DAP3: variants seen among roughly 807,000 people sequenced by gnomAD.
The protein encoded by DAP3 is small ribosomal subunit protein mS29.
Under a neutral mutation model 51.9 loss-of-function variants are expected in DAP3, and 28 were observed. That is an observed-to-expected ratio of 0.54 (90% CI 0.40 to 0.74). The LOEUF (loss-of-function observed/expected upper bound fraction) is 0.74, where lower values mean the gene tolerates loss of function less well. Among genes scored for constraint, DAP3 ranks in the 30% least tolerant of loss-of-function variants. The pLI, the probability that DAP3 is intolerant of heterozygous loss-of-function variation, is 0.00. For synonymous variants in DAP3, 170 were observed against 170.3 expected, an observed-to-expected ratio of 1.00 and a Z score of 0.01; for missense variants, 458 against 483.5, an observed-to-expected ratio of 0.95 and a Z score of 0.49.
At chr1:155,704,440 T>C (rs1655697937) in intron 1 of DAP3, among the ~76,000 whole-genome samples, 3 of 152,180 alleles carry the variant, frequency 2.0e-5, no homozygotes, top group Non-Finnish European at 2.9e-5. Context: ...TCCACAGCTC[T>C]TCCAGTAGTG....
At chr1:155,737,169 C>T (rs534962273) in intron 12 of DAP3, 106 bp downstream of exon 12, 407 of 807,520 alleles carry the variant, frequency 5.0e-4, no homozygotes, top group Non-Finnish European at 7.7e-4. Flanking sequence ...CTAATTTGTA[C>T]TTCATCCTTT....
At chr1:155,731,443 T>G in intron 10 of DAP3, 28 bp downstream of exon 10, 1 of 1,603,844 alleles carries the variant, frequency 6.2e-7, no homozygotes, top group Non-Finnish European at 8.5e-7. Flanking sequence ...CTCACACATT[T>G]CAGAAAGAAA....
In DAP3 at chr1:155,732,036, C is replaced by G; in HGVS notation, c.993+3C>G. On this transcript the variant is annotated splice_donor_region_variant and intron_variant, in intron 11 of 12. Transcript: ENST00000368336. ...TGCCCCAGGAGTTGCTGGGAAAGGT[C>G]AAGTCAAAGGAAAATTTGTTTCTAC... 6.2e-7 allele frequency: 1 copy of G among 1,606,568 alleles called. No individual in the cohort carries two copies. Among genetic ancestry groups the G allele is most frequent in the Non-Finnish European group, 8.5e-7 (1 of 1,176,362 alleles).
At chr1:155,701,380 C>T (rs563001098) in intron 1 of DAP3, among the ~76,000 whole-genome samples, 25 of 109,594 alleles carry the variant, frequency 2.3e-4, no homozygotes, top group Middle Eastern at 3.9e-3. Context: ...TGACCTTACC[C>T]TCAACCCTGT....
chr1:155,725,360 T>G (rs1240483949), intron 4 of DAP3, 22 bp from the exon 5 acceptor site: 1 of 1,611,482 alleles, frequency 6.2e-7, no homozygotes, highest in Non-Finnish European at 8.5e-7. Context: ...ACCCACTCTT[T>G]CCTTCTTTCC....
intron 1 of DAP3, among the ~76,000 whole-genome samples, chr1:155,705,596 C>T (rs1167603179): frequency 6.3e-5 from 9 of 143,870 alleles, no homozygotes; most frequent in African/African-American, 2.3e-4. Context: ...GAGCGAGACC[C>T]TGTCTCAAAA....
chr1:155,697,925 G>A (rs1370741841), intron 1 of DAP3, among the ~76,000 whole-genome samples: 2 of 152,154 alleles, frequency 1.3e-5, no homozygotes, highest in Non-Finnish European at 2.9e-5. Flanking sequence ...CCCTGGGAAT[G>A]CATTCGTTTT....
intron 7 of DAP3, among the ~76,000 whole-genome samples, chr1:155,728,705 C>G (rs775561880): frequency 9.9e-5 from 15 of 151,990 alleles, no homozygotes; most frequent in Non-Finnish European, 1.8e-4. Flanking sequence ...ACTAAAAATA[C>G]AAAAATTAGC....
chr1:155,688,896 C>T (rs951291827), upstream of DAP3: 1 of 1,612,424 alleles, frequency 6.2e-7, no homozygotes, highest in Admixed American at 1.7e-5. Flanking sequence ...ACTGGAATTG[C>T]CAGGGTGGCC....
chr1:155,715,807 C>T (rs571270864), intron 2 of DAP3, among the ~76,000 whole-genome samples: 1 of 152,252 alleles, frequency 6.6e-6, no homozygotes, highest in South Asian at 2.1e-4. Context: ...CCTGTTGGTT[C>T]AGAGGTTTCG....
chr1:155,729,892 A>AC (rs1659012353), intron 9 of DAP3, among the ~76,000 whole-genome samples: 1 of 151,810 alleles, frequency 6.6e-6, no homozygotes, highest in East Asian at 1.9e-4. Flanking sequence ...GACCAGCCTG[A>AC]CCAACATGGA....
Position 155,737,061 on chromosome 1 carries a change from A to C in DAP3, c.1109A>C (p.Lys370Thr). The C allele has an allele frequency of 6.2e-7, 1 of 1,606,182 alleles. No homozygotes were observed. Among genetic ancestry groups the C allele is most frequent in the Non-Finnish European group, 8.5e-7 (1 of 1,172,988 alleles). The change falls in exon 12 of 13, where the codon AAA becomes ACA. Residue 370 changes from lysine to threonine, a missense_variant and splice_region_variant. Transcript: ENST00000368336. ...GAAAACAATTGGCTTCAACATGAGA[A>C]AGGTCCATCATTTAGTTTTTTCCTA... ...YLENNWLQHE[K>T]APTEEGKKEL...
intron 3 of DAP3, among the ~76,000 whole-genome samples, chr1:155,721,088 C>T (rs995505904): frequency 1.3e-5 from 2 of 150,740 alleles, no homozygotes; most frequent in Non-Finnish European, 2.9e-5. Flanking sequence ...GTAATCGCAG[C>T]ATTTTGGGAG....
At chr1:155,716,465 C>G (rs1196961790) in intron 2 of DAP3, among the ~76,000 whole-genome samples, 1 of 151,362 alleles carries the variant, frequency 6.6e-6, no homozygotes, top group Non-Finnish European at 1.5e-5. Context: ...CCCAGCTACT[C>G]GGGAGGCTGA....
chr1:155,713,094 A>T (rs1319125238), intron 2 of DAP3, among the ~76,000 whole-genome samples: 1 of 152,192 alleles, frequency 6.6e-6, no homozygotes, highest in Non-Finnish European at 1.5e-5. Context: ...GTCTGGATGG[A>T]GGGACAAAAG....
chr1:155,714,387 C>T (rs1039406734), intron 2 of DAP3, among the ~76,000 whole-genome samples: 2 of 151,988 alleles, frequency 1.3e-5, no homozygotes, highest in African/African-American at 2.4e-5. Flanking sequence ...TTAGATTAGT[C>T]GAAGGTTAAA....
intron 1 of DAP3, among the ~76,000 whole-genome samples, chr1:155,699,122 T>C (rs751697869): frequency 6.6e-6 from 1 of 152,222 alleles, no homozygotes; most frequent in Non-Finnish European, 1.5e-5. Context: ...CCCAGAGTTC[T>C]GGTCTCTACA....
At chr1:155,704,312 A>G (rs529935518) in intron 1 of DAP3, among the ~76,000 whole-genome samples, 1 of 152,318 alleles carries the variant, frequency 6.6e-6, no homozygotes, top group African/African-American at 2.4e-5. Context: ...CATTTCTCAT[A>G]GTGTCTATAA....
chr1:155,732,782 T>C (rs1313627153), intron 11 of DAP3, among the ~76,000 whole-genome samples: 1 of 152,020 alleles, frequency 6.6e-6, no homozygotes, highest in Non-Finnish European at 1.5e-5. Flanking sequence ...CCCAGCACTT[T>C]GGGAGGCCGA....
Sources: allele counts gnomAD v4.1 joint callset (sites outside exome capture counted in the v4.1 genomes callset), GRCh38; gene constraint gnomAD v4.1.1; transcripts MANE v1.5; gene names NCBI Gene and HGNC (gene_info 2026-07-23, HGNC 2026-07-21).